The following C12orf60 variants were observed in gnomAD, a reference collection of about 807,000 sequenced individuals.
C12orf60 encodes the protein chromosome 12 open reading frame 60, also known as uncharacterized protein C12orf60.
For missense variants in C12orf60, 284 were observed against 283.2 expected (o/e 1.00, Z -0.02); for synonymous variants, 102 against 94.6 (o/e 1.08, Z -0.45).
chr12:14,808,196 A>T (rs1950082491), intron 1 of C12orf60, among the ~76,000 whole-genome samples: 1 of 152,092 alleles, frequency 6.6e-6, no homozygotes, highest in Non-Finnish European at 1.5e-5. Flanking sequence ...AGTACATCAT[A>T]GAATGAATAA....
Position 14,823,477 on chromosome 12 carries a change from A to G in C12orf60, c.542A>G (p.Lys181Arg). 6.2e-7 allele frequency: 1 copy of G among 1,606,836 alleles called. No individual in the cohort carries two copies. The highest frequency in any genetic ancestry group is 1.4e-5 in the African/African-American group (1 of 71,402). The change falls in exon 2 of 2, where the codon AAA becomes AGA. Residue 181 changes from lysine to arginine, a missense_variant. Coordinates refer to ENST00000330828, the MANE Select transcript of C12orf60 (RefSeq NM_175874.4). ...ERTRSPPGSS[K>R]TTMIDTLKKL... ...ACCAGAAGTCCTCCAGGTTCTTCCA[A>G]AACCACTATGATAGACACCTTGAAA...
At position 14,823,208 on chromosome 12, in the gene C12orf60, A is replaced by G. The variant is rs775809417; in HGVS notation, c.273A>G (p.Ala91=). ...AGGAGTCTTTATGTTCCAAGGTTGC[A>G]ATGGCCATGTGCTCTGTGGTTCAGA... is the stretch of plus-strand genomic sequence containing the variant. ...IQKESLCSKV[A]MAMCSVVQKS... The change falls in exon 2 of 2, where the codon GCA becomes GCG. Residue 91 remains alanine, a synonymous_variant. Coordinates refer to ENST00000330828, the MANE Select transcript of C12orf60 (RefSeq NM_175874.4). The G allele has an allele frequency of 1.9e-6, 3 of 1,614,018 alleles. No individual in the cohort carries two copies. The highest frequency in any genetic ancestry group is 1.7e-5 in the Admixed American group (1 of 59,992).
chr12:14,822,197 G>C (rs1376390989), intron 1 of C12orf60, among the ~76,000 whole-genome samples: 1 of 147,962 alleles, frequency 6.8e-6, no homozygotes, highest in Non-Finnish European at 1.5e-5. Context: ...CCCTGCACCT[G>C]ATTTGCTGTG....
At chr12:14,806,257 T>C in intron 1 of C12orf60, 2 of 1,614,242 alleles carry the variant, frequency 1.2e-6, no homozygotes, top group Non-Finnish European at 1.7e-6. Context: ...ATTATGCCAG[T>C]TGTGACATTT....
At chr12:14,812,443 C>G (rs77608357) in intron 1 of C12orf60, among the ~76,000 whole-genome samples, 4 of 138,816 alleles carry the variant, frequency 2.9e-5, no homozygotes, top group Non-Finnish European at 6.3e-5. Flanking sequence ...GACTCCGTCT[C>G]AAAAAAAAAA....
rs565187762 is a variant in C12orf60, at chr12:14,807,476, A to G, written c.-25+3725A>G. ...TCTAGTCAGGGCCAGATAAATATTAACATCTCTAAATTTACAGGGCTGTTT... is the reference window on the plus strand; with the variant it reads ...TCTAGTCAGGGCCAGATAAATATTAGCATCTCTAAATTTACAGGGCTGTTT... On this transcript the variant is annotated intron_variant, in intron 1 of 1. Transcript: ENST00000330828. Among the ~76,000 whole-genome samples, 4 of 152,300 alleles carry G rather than the reference A, an allele frequency of 2.6e-5. No individual in the cohort carries two copies. In the South Asian group the frequency reaches 8.3e-4, roughly 32 times the overall value.
In C12orf60 at chr12:14,823,377, A is replaced by G. The variant is rs944755501; in HGVS notation, c.442A>G (p.Ile148Val). 6.2e-6 allele frequency: 10 copies of G among 1,614,124 alleles called. No individual in the cohort carries two copies. Among genetic ancestry groups the G allele is most frequent in the Middle Eastern group, 1.6e-4 (1 of 6,062 alleles). The change falls in exon 2 of 2, where the codon ATC becomes GTC. Residue 148 changes from isoleucine to valine, a missense_variant. By Grantham distance (29) the Ile-to-Val change is conservative. Transcript: ENST00000330828. ...TCTTTCACACTTGATGAAATTCCCC[A>G]TCATGAATCTTCAATTAAGTGACTT... ...SSLSHLMKFP[I>V]MNLQLSDFYT...
Position 14,824,266 on chromosome 12 carries a change from T to A in C12orf60, c.*593T>A, listed in dbSNP as rs1218497502. The stretch of plus-strand genomic sequence containing the variant: ...GTTCATTCTCACTTGTCTCCTGAGG[T>A]CTTATGATTAGAAAATACTAGAGGT... On this transcript the variant is annotated 3_prime_UTR_variant, in exon 2 of 2. Transcript: ENST00000330828. 1 of 152,184 alleles carries A rather than the reference T, an allele frequency of 6.6e-6. No individual in the cohort carries two copies. Among genetic ancestry groups the A allele is most frequent in the Non-Finnish European group, 1.5e-5 (1 of 68,038 alleles). The allele number at this position is 152,184 out of a possible 1,614,324, so 9.4% of individuals were successfully genotyped here. A position where few individuals can be genotyped will look rare whatever the true frequency, so the allele number is the denominator to read the frequency against.
chr12:14,819,456 ATGT>A (rs1211720726), intron 1 of C12orf60, among the ~76,000 whole-genome samples: 2 of 152,100 alleles, frequency 1.3e-5, no homozygotes, highest in Non-Finnish European at 2.9e-5. Flanking sequence ...TGTAGACATC[ATGT>A]TGTCTAGAGA....
chr12:14,822,931 G>A lies in C12orf60; in HGVS notation c.-5G>A. 6.4e-7 allele frequency: 1 copy of A among 1,555,512 alleles called. No individual in the cohort carries two copies. The highest frequency in any genetic ancestry group is 2.3e-5 in the East Asian group (1 of 44,164). ...TTGCAGTGTTGGAACTTATTTGTTG[G>A]AGAAATGTCTTCAGAGTCAGAAAAG... On this transcript the variant is annotated 5_prime_UTR_variant, in exon 2 of 2. Transcript: ENST00000330828.
chr12:14,807,719 G>A (rs563791314), intron 1 of C12orf60, among the ~76,000 whole-genome samples: 1 of 152,126 alleles, frequency 6.6e-6, no homozygotes, highest in Admixed American at 6.5e-5. Flanking sequence ...ACTATACAGG[G>A]CACAGTGTTA....
intron 1 of C12orf60, among the ~76,000 whole-genome samples, chr12:14,820,984 A>G (rs1950296715): frequency 6.6e-6 from 1 of 152,082 alleles, no homozygotes; most frequent in Admixed American, 6.6e-5. Context: ...TTTTGTTGCT[A>G]GTATATAGAA....
chr12:14,824,168 C>G lies in C12orf60; in HGVS notation c.*495C>G, dbSNP rs1038512895. On this transcript the variant is annotated 3_prime_UTR_variant, in exon 2 of 2. Transcript: ENST00000330828. ...ATCACTAAATATTTTAAATATGATT[C>G]ATAAGTAAGTGAGAACAGTGAATGA... The G allele has an allele frequency of 6.6e-6, 1 of 152,410 alleles. No individual in the cohort carries two copies. The highest frequency in any genetic ancestry group is 1.5e-5 in the Non-Finnish European group (1 of 68,268). The allele number at this position is 152,410 out of a possible 1,614,324, so 9.4% of individuals were successfully genotyped here.
chr12:14,815,999 CT>C (rs1950210230), intron 1 of C12orf60, among the ~76,000 whole-genome samples: 2 of 152,228 alleles, frequency 1.3e-5, no homozygotes, highest in African/African-American at 4.8e-5. Context: ...ACTGAGCCCC[CT>C]AATCAACTTG....
chr12:14,811,333 T>C (rs893525506), intron 1 of C12orf60, among the ~76,000 whole-genome samples: 1 of 152,230 alleles, frequency 6.6e-6, no homozygotes, highest in African/African-American at 2.4e-5. Context: ...ATTTTTCACC[T>C]GGGCCTTTGC....
intron 1 of C12orf60, among the ~76,000 whole-genome samples, chr12:14,816,135 A>G (rs1335502773): frequency 6.6e-6 from 1 of 152,034 alleles, no homozygotes; most frequent in East Asian, 1.9e-4. Context: ...AAGGAGGCAC[A>G]TTTTCTTAGT....
chr12:14,815,254 A>G (rs912881833), intron 1 of C12orf60, among the ~76,000 whole-genome samples: 4 of 152,164 alleles, frequency 2.6e-5, no homozygotes, highest in African/African-American at 9.7e-5. Context: ...GTCCCAGTGG[A>G]TCATCTTGCC....
At chr12:14,815,855 A>T (rs1445923156) in intron 1 of C12orf60, among the ~76,000 whole-genome samples, 1 of 152,196 alleles carries the variant, frequency 6.6e-6, no homozygotes, top group Non-Finnish European at 1.5e-5. Context: ...ACCCTTCTTA[A>T]CATTTATTGC....
At chr12:14,803,803 G>A (rs931893773) in intron 1 of C12orf60, 52 bp downstream of exon 1, 94 of 277,420 alleles carry the variant, frequency 3.4e-4, no homozygotes, top group African/African-American at 1.9e-3. Flanking sequence ...GAAGCGTTCT[G>A]CGTTTTCTGT....
Sources: allele counts gnomAD v4.1 joint callset (sites outside exome capture counted in the v4.1 genomes callset), GRCh38; gene constraint gnomAD v4.1.1; transcripts MANE v1.5; gene names NCBI Gene and HGNC (gene_info 2026-07-23, HGNC 2026-07-21).